GALNT2: variants seen among roughly 807,000 people sequenced by gnomAD.
GALNT2 encodes the protein UDP-GalNAc:polypeptide N-acetylgalactosaminyltransferase 2.
A neutral mutation model predicts 81.4 loss-of-function variants in GALNT2; 31 were observed. That is an observed-to-expected ratio of 0.38 (90% CI 0.29 to 0.51). GALNT2 has a LOEUF of 0.51. Among genes scored for constraint, GALNT2 ranks in the 20% least tolerant of loss-of-function variants. GALNT2 has a pLI of 0.87. For synonymous variants in GALNT2, 303 were observed against 287.4 expected (o/e 1.05, Z -0.55); for missense variants, 629 against 765.7 (o/e 0.82, Z 2.11).
At chr1:230,095,146 A>G (rs1488566701) in intron 1 of GALNT2, among the ~76,000 whole-genome samples, 2 of 151,924 alleles carry the variant, frequency 1.3e-5, no homozygotes, top group Non-Finnish European at 2.9e-5. Context: ...CCTGACCCCA[A>G]CAAGCAGGGA....
chr1:230,210,534 A>G (rs1226693901), intron 3 of GALNT2, among the ~76,000 whole-genome samples: 1 of 152,200 alleles, frequency 6.6e-6, no homozygotes, highest in African/African-American at 2.4e-5. Flanking sequence ...CCATTTCCCT[A>G]CAAAGGAACC....
chr1:230,263,914 T>G (rs1274989037), intron 13 of GALNT2: 2 of 152,260 alleles, frequency 1.3e-5, no homozygotes, highest in Non-Finnish European at 2.9e-5. Context: ...GGCCTCTCTC[T>G]GTTGCTCCTG....
chr1:230,260,220 C>T (rs938728305), intron 11 of GALNT2, among the ~76,000 whole-genome samples: 1 of 152,206 alleles, frequency 6.6e-6, no homozygotes, highest in Non-Finnish European at 1.5e-5. Flanking sequence ...TACCTAAATA[C>T]TTGCAAATAC....
intron 1 of GALNT2, among the ~76,000 whole-genome samples, chr1:230,158,906 G>T (rs1662344689): frequency 6.7e-6 from 1 of 149,956 alleles, no homozygotes; most frequent in Non-Finnish European, 1.5e-5. Context: ...ATTGAACCTT[G>T]GACCTAGTGT....
Position 230,162,404 on chromosome 1 carries a change from T to C in GALNT2, c.127-15814T>C, listed in dbSNP as rs1372989512. Among the ~76,000 whole-genome samples the C allele has an allele frequency of 2.0e-5, 3 of 152,222 alleles. 1 individual carries two copies. The highest frequency in any genetic ancestry group is 7.2e-5 in the African/African-American group (3 of 41,458). On this transcript the variant is annotated intron_variant, in intron 1 of 15. Transcript: ENST00000366672. ...TTATAAAGTTTTAGAATTCTAAATATAGTTCTTTCTAGTTTCCCTTAGGGT... is the reference window on the plus strand; with the variant it reads ...TTATAAAGTTTTAGAATTCTAAATACAGTTCTTTCTAGTTTCCCTTAGGGT...
intron 14 of GALNT2, among the ~76,000 whole-genome samples, chr1:230,267,632 C>G (rs904912385): frequency 1.3e-5 from 2 of 152,232 alleles, no homozygotes; most frequent in African/African-American, 4.8e-5. Context: ...GTCAGCCCCC[C>G]TGGGTACTCG....
intron 6 of GALNT2, among the ~76,000 whole-genome samples, chr1:230,239,206 G>A (rs1035404597): frequency 3.3e-5 from 5 of 152,008 alleles, no homozygotes; most frequent in Non-Finnish European, 7.4e-5. Context: ...TTATCTGTCT[G>A]CTGTTCATCG....
intron 1 of GALNT2, among the ~76,000 whole-genome samples, chr1:230,101,257 T>A (rs565609257): frequency 3.3e-5 from 5 of 152,356 alleles, no homozygotes; most frequent in African/African-American, 1.2e-4. Flanking sequence ...TACATACTCC[T>A]AAATGTGTCA....
chr1:230,158,192 A>AG (rs1241374539), intron 1 of GALNT2, among the ~76,000 whole-genome samples: 1 of 151,964 alleles, frequency 6.6e-6, no homozygotes, highest in African/African-American at 2.4e-5. Context: ...CCCGGGTAGC[A>AG]GGGGGGCAGG....
intron 2 of GALNT2, among the ~76,000 whole-genome samples, chr1:230,201,960 C>T (rs1302121450): frequency 6.6e-6 from 1 of 152,158 alleles, no homozygotes; most frequent in Non-Finnish European, 1.5e-5. Context: ...CAGTTCCAAC[C>T]ACTGGAAATT....
chr1:230,163,385 A>G (rs1463735941), intron 1 of GALNT2, among the ~76,000 whole-genome samples: 1 of 152,216 alleles, frequency 6.6e-6, no homozygotes, highest in African/African-American at 2.4e-5. Flanking sequence ...GTTGCTCATC[A>G]GAGAGCATGG....
At chr1:230,077,773 C>G (rs182014021) in intron 1 of GALNT2, among the ~76,000 whole-genome samples, 1 of 152,318 alleles carries the variant, frequency 6.6e-6, no homozygotes, top group East Asian at 1.9e-4. Context: ...CATAAAAATA[C>G]TAAGAGCCAT....
At chr1:230,067,456 C>G (rs1380519293) in intron 1 of GALNT2, 50 bp downstream of exon 1, 3 of 734,394 alleles carry the variant, frequency 4.1e-6, no homozygotes, top group South Asian at 6.0e-5. Flanking sequence ...ACCCCCCACC[C>G]TGCGCCCCTG....
intron 1 of GALNT2, among the ~76,000 whole-genome samples, chr1:230,152,433 C>T (rs1285920298): frequency 6.6e-6 from 1 of 152,298 alleles, no homozygotes; most frequent in East Asian, 1.9e-4. Flanking sequence ...AGGAGAATAA[C>T]ATCAGTATTC....
At position 230,200,091 on chromosome 1, in the gene GALNT2, C is replaced by T. The variant is rs1663839574; in HGVS notation, c.221-3046C>T. 4.1e-5 allele frequency among the ~76,000 whole-genome samples: 5 copies of T among 123,056 alleles called. No homozygotes were observed. The South Asian group carries it at 1.2e-3, about 30-fold the overall frequency. 80.7% of individuals were successfully genotyped at this position (123,056 alleles called of 152,430 possible). A position where few individuals can be genotyped will look rare whatever the true frequency, so the allele number is the denominator to read the frequency against. The stretch of plus-strand genomic sequence containing the variant: ...TTTTTTTTTTTTTTTGAGATGGAGT[C>T]TTGCACTGTTGCCCAGGCTGGAGTG... On this transcript the variant is annotated intron_variant, in intron 2 of 15. Transcript: ENST00000366672.
intron 2 of GALNT2, among the ~76,000 whole-genome samples, chr1:230,191,793 G>A (rs985883182): frequency 2.6e-5 from 4 of 152,120 alleles, no homozygotes; most frequent in Non-Finnish European, 4.4e-5. Context: ...GATCATAGGC[G>A]TGAGCCACCG....
At chr1:230,066,576 T>C (rs894634165), upstream of GALNT2, among the ~76,000 whole-genome samples, 1 of 152,320 alleles carries the variant, frequency 6.6e-6, no homozygotes, top group Middle Eastern at 3.4e-3. Context: ...GTCAGGAATG[T>C]TTTGCTGCAA....
intron 1 of GALNT2, among the ~76,000 whole-genome samples, chr1:230,080,584 A>G (rs912930907): frequency 6.6e-6 from 1 of 152,012 alleles, no homozygotes; most frequent in Admixed American, 6.6e-5. Flanking sequence ...GCAGAAGCCC[A>G]GGAGGCTTGT....
intron 1 of GALNT2, among the ~76,000 whole-genome samples, chr1:230,105,955 A>C (rs190504212): frequency 6.6e-5 from 10 of 152,238 alleles, no homozygotes; most frequent in Admixed American, 5.9e-4. Flanking sequence ...ACCTTTACTC[A>C]ACATTTCTGG....
Sources: gnomAD v4.1 joint callset for allele counts (sites outside exome capture counted in the v4.1 genomes callset) on GRCh38, gnomAD v4.1.1 for gene constraint, MANE v1.5 for transcripts, NCBI Gene and HGNC (gene_info 2026-07-23, HGNC 2026-07-21) for gene names.